The following PPP6R2 variants were observed in gnomAD, a reference collection of about 807,000 sequenced individuals.
PPP6R2 encodes the protein serine/threonine-protein phosphatase 6 regulatory subunit 2.
Under a neutral mutation model 100.2 loss-of-function variants are expected in PPP6R2, and 62 were observed. The observed-to-expected ratio is 0.62, with a 90% CI of 0.50 to 0.76. The LOEUF (loss-of-function observed/expected upper bound fraction) is 0.76. PPP6R2 is among the 30% of genes least tolerant of loss of function. The probability of loss-of-function intolerance (pLI) is 0.00; values close to 1 mark genes in which losing one functional copy is unlikely to be tolerated. For synonymous variants in PPP6R2, 525 were observed against 514.7 expected, an observed-to-expected ratio of 1.02 and a Z score of -0.27; for missense variants, 1,142 against 1,276.3, an observed-to-expected ratio of 0.89 and a Z score of 1.60.
At chr22:50,432,186 G>A in intron 11 of PPP6R2, 79 bp from the exon 12 acceptor site, 1 of 1,335,516 alleles carries the variant, frequency 7.5e-7, no homozygotes, top group Non-Finnish European at 1.0e-6. Context: ...AGCCAGCCCT[G>A]CCCAGTCCAG....
intron 2 of PPP6R2, among the ~76,000 whole-genome samples, chr22:50,381,691 C>T (rs1462083033): frequency 2.0e-5 from 3 of 151,972 alleles, no homozygotes; most frequent in Admixed American, 6.6e-5. Flanking sequence ...GAGGCCGAGG[C>T]GGGTGGATCA....
At chr22:50,392,844 C>G (rs1306314677) in intron 2 of PPP6R2, among the ~76,000 whole-genome samples, 1 of 152,164 alleles carries the variant, frequency 6.6e-6, no homozygotes, top group Non-Finnish European at 1.5e-5. Flanking sequence ...TAGGGCATCA[C>G]CGGCTTTACA....
intron 1 of PPP6R2, among the ~76,000 whole-genome samples, chr22:50,370,438 C>G (rs1321929236): frequency 1.3e-5 from 2 of 151,510 alleles, no homozygotes; most frequent in African/African-American, 2.4e-5. Flanking sequence ...CAGGCGCCTG[C>G]CACCACGCCC....
intron 10 of PPP6R2, among the ~76,000 whole-genome samples, chr22:50,425,477 G>C (rs528646617): frequency 6.6e-6 from 1 of 152,312 alleles, no homozygotes; most frequent in South Asian, 2.1e-4. Context: ...ATACCTGTTT[G>C]AGTCCTTACT....
chr22:50,429,118 C>T (rs1040399111), intron 10 of PPP6R2, among the ~76,000 whole-genome samples: 1 of 152,100 alleles, frequency 6.6e-6, no homozygotes, highest in Non-Finnish European at 1.5e-5. Context: ...GCAACCGCCG[C>T]CTCCTGGGCT....
Position 50,431,227 on chromosome 22 carries a change from T to C in PPP6R2, c.1180T>C (p.Cys394Arg). The C allele has an allele frequency of 1.2e-6, 2 of 1,613,942 alleles. No homozygotes were observed. The highest frequency in any genetic ancestry group is 1.7e-6 in the Non-Finnish European group (2 of 1,180,006). Reference sequence around the variant, plus strand: ...CTTTTTGCACTTCCAAGTGGAACTATGCATAGCCGCTATTCTCTCCCACGC... The same window carrying C: ...CTTTTTGCACTTCCAAGTGGAACTACGCATAGCCGCTATTCTCTCCCACGC... ...NNFLHFQVELCIAAILSHAAR... is the reference protein window; with the variant it reads ...NNFLHFQVELRIAAILSHAAR... Residue 394 changes from cysteine (C) to arginine (R), a missense_variant, in exon 11 of 24, where the codon TGC becomes CGC. By Grantham distance (180) the Cys-to-Arg change is radical. Around this residue, in one of 2 missense-constraint regions of PPP6R2, gnomAD observed 592 missense variants for 758.9 expected, o/e 0.78. Coordinates refer to ENST00000612753, the MANE Select transcript of PPP6R2 (RefSeq NM_001242898.2). This position sits in a 1 kb window ranked among gnomAD's most constrained non-coding sequence, Gnocchi z 4.8.
chr22:50,385,572 A>C (rs1014630988), intron 2 of PPP6R2, among the ~76,000 whole-genome samples: 1 of 146,984 alleles, frequency 6.8e-6, no homozygotes, highest in Admixed American at 6.8e-5. Flanking sequence ...CTGGAGTGCA[A>C]TGGCGCTATC....
At chr22:50,435,947 G>A (rs1431677779) in intron 13 of PPP6R2, among the ~76,000 whole-genome samples, 2 of 152,214 alleles carry the variant, frequency 1.3e-5, no homozygotes, top group African/African-American at 4.8e-5. Context: ...CAGGACACGC[G>A]CCCAGGCCTG....
chr22:50,374,040 C>A (rs1014390653), intron 2 of PPP6R2, among the ~76,000 whole-genome samples: 1 of 152,152 alleles, frequency 6.6e-6, no homozygotes, highest in Admixed American at 6.6e-5. Context: ...CCCAGCCCAC[C>A]ATGGCTAATT....
chr22:50,339,774 TGTG>T (rs764020389), upstream of PPP6R2, among the ~76,000 whole-genome samples: 1 of 112,290 alleles, frequency 8.9e-6, no homozygotes, highest in Non-Finnish European at 1.7e-5. Flanking sequence ...GTGTGTGGTA[TGTG>T]GTGTGTGTGT....
At chr22:50,356,724 C>T (rs970393758) in intron 1 of PPP6R2, among the ~76,000 whole-genome samples, 2 of 151,710 alleles carry the variant, frequency 1.3e-5, no homozygotes, top group Non-Finnish European at 2.9e-5. Context: ...ATCACAAGGT[C>T]GGGAGTTCGA....
Position 50,438,539 on chromosome 22 carries a change from ACCCT to A in PPP6R2, c.1965-57_1965-54del, listed in dbSNP as rs954917498. 4 of 1,580,060 alleles carry A rather than the reference ACCCT, an allele frequency of 2.5e-6. No individual in the cohort carries two copies. In the African/African-American group the frequency reaches 4.1e-5, roughly 16 times the overall value. ...AGCCCCGAGCCTGGGGCCGCCACTG[ACCCT>A]CCATGTTAGGCGTCCGTCCTGGGCC... On this transcript the variant is annotated intron_variant, in intron 18 of 23. Transcript: ENST00000612753.
rs181778705 is a variant in PPP6R2, at chr22:50,432,489, G to A, written c.1400+160G>A. Among the ~76,000 whole-genome samples, 661 of 152,296 alleles carry A rather than the reference G, an allele frequency of 4.3e-3. 8 individuals are homozygous for A. Among genetic ancestry groups the A allele is most frequent in the African/African-American group, 0.015 (616 of 41,574 alleles). On this transcript the variant is annotated intron_variant, in intron 12 of 23. Coordinates refer to ENST00000612753, the MANE Select transcript of PPP6R2 (RefSeq NM_001242898.2). ...ACGTTCTGGGGCTGCTGTGCAAGGGGCCCTTCTACTGGGCGGACAGCTGCA... is the reference window on the plus strand; with the variant it reads ...ACGTTCTGGGGCTGCTGTGCAAGGGACCCTTCTACTGGGCGGACAGCTGCA...
chr22:50,438,555 G>A (rs376304747), intron 18 of PPP6R2, 44 bp from the exon 19 acceptor site: 78 of 1,603,328 alleles, frequency 4.9e-5, no homozygotes, highest in South Asian at 4.2e-4. Context: ...CATGTTAGGC[G>A]TCCGTCCTGG....
rs777585125 is a variant in PPP6R2, at chr22:50,416,073, G to T, written c.553-19G>T. 9.1e-5 allele frequency: 146 copies of T among 1,605,608 alleles called. No homozygotes were observed. Among genetic ancestry groups the T allele is most frequent in the Non-Finnish European group, 1.2e-4 (142 of 1,172,324 alleles). ...TAGACTTGAGCAGCGACACTGAAAG[G>T]CCTCTTTTTCTCTTTCAGTGGCTGA... On this transcript the variant is annotated intron_variant, in intron 5 of 23. Coordinates refer to ENST00000612753, the MANE Select transcript of PPP6R2 (RefSeq NM_001242898.2).
At chr22:50,356,444 AG>A (rs2046606245) in intron 1 of PPP6R2, among the ~76,000 whole-genome samples, 1 of 151,900 alleles carries the variant, frequency 6.6e-6, no homozygotes, top group Admixed American at 6.6e-5. Flanking sequence ...CTGGGACTGC[AG>A]GTACACACCA....
At chr22:50,367,642 A>G (rs1163122458) in intron 1 of PPP6R2, among the ~76,000 whole-genome samples, 1 of 152,196 alleles carries the variant, frequency 6.6e-6, no homozygotes, top group Non-Finnish European at 1.5e-5. Context: ...TGCTGTTACC[A>G]GACTGTCCCA....
At chr22:50,348,671 G>C (rs989550529) in intron 1 of PPP6R2, among the ~76,000 whole-genome samples, 5 of 152,094 alleles carry the variant, frequency 3.3e-5, no homozygotes, top group African/African-American at 1.2e-4. Flanking sequence ...TAGGGAGAAG[G>C]TATCTTACAG....
At chr22:50,389,321 T>C (rs1313524599) in intron 2 of PPP6R2, among the ~76,000 whole-genome samples, 4 of 152,200 alleles carry the variant, frequency 2.6e-5, no homozygotes, top group Non-Finnish European at 5.9e-5. Context: ...GGGAAGGAAA[T>C]GGAAGGCCTT....
Sources: gnomAD v4.1 joint callset for allele counts (sites outside exome capture counted in the v4.1 genomes callset) on GRCh38, gnomAD v4.1.1 for gene constraint, gnomAD v4.1.1 regional missense constraint, Gnocchi (gnomAD v3.1) non-coding constraint, MANE v1.5 for transcripts, NCBI Gene and HGNC (gene_info 2026-07-23, HGNC 2026-07-21) for gene names.